Variants in PPP2CA observed in about 807,000 individuals in gnomAD.
PPP2CA encodes the protein protein phosphatase 2 catalytic subunit alpha.
Under a neutral mutation model 38.8 loss-of-function variants are expected in PPP2CA, and 5 were observed. That is an observed-to-expected ratio of 0.13 (90% CI 0.07 to 0.27). The LOEUF (loss-of-function observed/expected upper bound fraction) is 0.27. Ranked by LOEUF, PPP2CA falls within the 10% of genes least tolerant of loss-of-function variation. The pLI is 1.00. For missense variants in PPP2CA, 88 were observed against 389.7 expected (o/e 0.23, Z 6.52); for synonymous variants, 152 against 134.0 (o/e 1.13, Z -0.93).
chr5:134,204,842 G>A (rs1408254037), intron 2 of PPP2CA, among the ~76,000 whole-genome samples: 1 of 151,824 alleles, frequency 6.6e-6, no homozygotes, highest in Admixed American at 6.6e-5. Context: ...CATAATGTAT[G>A]TAATGTACAT....
intron 5 of PPP2CA, chr5:134,199,418 C>CT: frequency 5.0e-5 from 17 of 339,948 alleles, no homozygotes; most frequent in South Asian, 1.2e-4. Context: ...AATTACAAAA[C>CT]TTGTTTTTTT....
At chr5:134,208,033 T>C (rs752894926) in intron 1 of PPP2CA, among the ~76,000 whole-genome samples, 1 of 152,176 alleles carries the variant, frequency 6.6e-6, no homozygotes, top group Non-Finnish European at 1.5e-5. Context: ...TTAACACCTA[T>C]CATATATTAA....
intron 1 of PPP2CA, among the ~76,000 whole-genome samples, chr5:134,215,354 G>A (rs1439159545): frequency 6.6e-6 from 1 of 152,032 alleles, no homozygotes; most frequent in Non-Finnish European, 1.5e-5. Flanking sequence ...TGGATCACTT[G>A]AGGTCAGGAG....
At position 134,197,508 on chromosome 5, in the gene PPP2CA, A is replaced by G; in HGVS notation, c.*264T>C. 1 of 451,734 alleles carries G rather than the reference A, an allele frequency of 2.2e-6. No individual in the cohort carries two copies. Among genetic ancestry groups the G allele is most frequent in the East Asian group, 3.4e-5 (1 of 29,486 alleles). 28.0% of individuals were successfully genotyped at this position (451,734 alleles called of 1,614,324 possible). On this transcript the variant is annotated 3_prime_UTR_variant, in exon 7 of 7. Transcript: ENST00000481195. ...GCAGTCTCTCAGAGAAAGCAAAAGT[A>G]ACTACAAATAGCGCTATGCCAGAAA... is the stretch of plus-strand genomic sequence containing the variant.
intron 1 of PPP2CA, among the ~76,000 whole-genome samples, chr5:134,206,643 C>G (rs1000194606): frequency 3.3e-5 from 5 of 152,176 alleles, no homozygotes; most frequent in Admixed American, 3.3e-4. Flanking sequence ...CACACGCCAC[C>G]ATGGCTGGCT....
At chr5:134,205,442 C>G (rs1275383010) in intron 2 of PPP2CA, among the ~76,000 whole-genome samples, 1 of 150,750 alleles carries the variant, frequency 6.6e-6, no homozygotes, top group Non-Finnish European at 1.5e-5. Context: ...CGTGTAGTGG[C>G]GCAATCTCAG....
intron 1 of PPP2CA, among the ~76,000 whole-genome samples, chr5:134,208,759 G>GT (rs1476341982): frequency 1.3e-5 from 2 of 152,050 alleles, no homozygotes; most frequent in Non-Finnish European, 1.5e-5. Flanking sequence ...TTAAAACTTT[G>GT]TTTACAAAGT....
chr5:134,199,101 G>A lies in PPP2CA; in HGVS notation c.842C>T (p.Thr281Ile), dbSNP rs1477855509. 1 of 1,609,084 alleles carries A rather than the reference G, an allele frequency of 6.2e-7. No homozygotes were observed. Among genetic ancestry groups the A allele is most frequent in the Non-Finnish European group, 8.5e-7 (1 of 1,175,446 alleles). ...AATTACTTACAAAGAGTATTTTAGA[G>A]TATCGTCAAGTTCCATGATTGCAGC... ...NQAAIMELDDTLKYSFLQFDP... is the reference protein window; with the variant it reads ...NQAAIMELDDILKYSFLQFDP... Residue 281 changes from threonine (T) to isoleucine (I), a missense_variant, in exon 6 of 7, where the codon ACT (threonine) becomes ATT (isoleucine). This residue lies in a region of PPP2CA where 36 missense variants were observed against 259.8 expected (regional missense o/e 0.14). Coordinates refer to ENST00000481195, the MANE Select transcript of PPP2CA (RefSeq NM_002715.4).
At chr5:134,216,450 G>C (rs1431628445) in intron 1 of PPP2CA, among the ~76,000 whole-genome samples, 1 of 144,918 alleles carries the variant, frequency 6.9e-6, no homozygotes, top group Non-Finnish European at 1.5e-5. Flanking sequence ...TGAAGCTGGA[G>C]AATCACTTGA....
Position 134,199,210 on chromosome 5 carries a change from A to C in PPP2CA, c.739-6T>G, listed in dbSNP as rs1414851047. ...TCATGGCACCAGTTATATCCCTGCA[A>C]GGAAAAGGAGACAAAAATCTTACTT... On this transcript the variant is annotated splice_polypyrimidine_tract_variant and splice_region_variant and intron_variant, in intron 5 of 6. Coordinates refer to ENST00000481195, the MANE Select transcript of PPP2CA (RefSeq NM_002715.4). 6.3e-7 allele frequency: 1 copy of C among 1,598,252 alleles called. No homozygotes were observed. Among genetic ancestry groups the C allele is most frequent in the African/African-American group, 1.3e-5 (1 of 74,570 alleles).
chr5:134,210,601 T>A (rs1762182277), intron 1 of PPP2CA, among the ~76,000 whole-genome samples: 1 of 152,180 alleles, frequency 6.6e-6, no homozygotes, highest in Non-Finnish European at 1.5e-5. Context: ...CCCAGCACTT[T>A]GGGAGGCCAA....
intron 5 of PPP2CA, among the ~76,000 whole-genome samples, chr5:134,199,643 G>A (rs1580636206): frequency 1.3e-5 from 2 of 152,270 alleles, no homozygotes; most frequent in Middle Eastern, 6.8e-3. Flanking sequence ...TACCAATTTT[G>A]TCAGTCACAG....
intron 3 of PPP2CA, among the ~76,000 whole-genome samples, 192 bp from the exon 4 acceptor site, chr5:134,201,266 T>C (rs529662435): frequency 2.0e-5 from 3 of 152,266 alleles, no homozygotes; most frequent in African/African-American, 7.2e-5. Context: ...TTTTAAAAAA[T>C]GAGCTGGGCA....
chr5:134,223,615 T>C (rs1762494803), intron 1 of PPP2CA, among the ~76,000 whole-genome samples: 1 of 152,216 alleles, frequency 6.6e-6, no homozygotes, highest in Non-Finnish European at 1.5e-5. Flanking sequence ...TTTACCTCAC[T>C]ACATCTTAGT....
At chr5:134,215,658 TG>T (rs1762301443) in intron 1 of PPP2CA, among the ~76,000 whole-genome samples, 1 of 152,160 alleles carries the variant, frequency 6.6e-6, no homozygotes, top group Non-Finnish European at 1.5e-5. Context: ...AGGCTGGTCT[TG>T]AACTCCCGGG....
chr5:134,215,206 T>A (rs1199475149), intron 1 of PPP2CA, among the ~76,000 whole-genome samples: 2 of 151,752 alleles, frequency 1.3e-5, no homozygotes, highest in Non-Finnish European at 2.9e-5. Flanking sequence ...CAAGCAATCC[T>A]CTTGCCTCAG....
intron 1 of PPP2CA, among the ~76,000 whole-genome samples, chr5:134,224,002 CAAGT>C (rs1762502603): frequency 2.0e-5 from 3 of 152,310 alleles, no homozygotes; most frequent in African/African-American, 4.8e-5. Flanking sequence ...CACAATTACT[CAAGT>C]AAGAGCAGAA....
chr5:134,215,975 T>C (rs1262447839), intron 1 of PPP2CA, among the ~76,000 whole-genome samples: 1 of 152,218 alleles, frequency 6.6e-6, no homozygotes, highest in Non-Finnish European at 1.5e-5. Flanking sequence ...GTGGCTCTGA[T>C]GGACAACAGA....
At chr5:134,219,064 A>T (rs1473882057) in intron 1 of PPP2CA, among the ~76,000 whole-genome samples, 1 of 152,224 alleles carries the variant, frequency 6.6e-6, no homozygotes, top group Non-Finnish European at 1.5e-5. Flanking sequence ...GCCAGCCAAA[A>T]GAAATAGATA....
Sources: allele counts gnomAD v4.1 joint callset (sites outside exome capture counted in the v4.1 genomes callset), GRCh38; gene constraint gnomAD v4.1.1; regional missense constraint gnomAD v4.1.1; transcripts MANE v1.5; gene names NCBI Gene and HGNC (gene_info 2026-07-23, HGNC 2026-07-21).